Variants in RGS3 observed in about 807,000 individuals in gnomAD.
The protein encoded by RGS3 is regulator of G-protein signalling 3.
Under a neutral mutation model 132.6 loss-of-function variants are expected in RGS3, and 80 were observed. That is an observed-to-expected ratio of 0.60 (90% CI 0.50 to 0.73). The LOEUF (loss-of-function observed/expected upper bound fraction) is 0.73, where lower values mean the gene tolerates loss of function less well. Among genes scored for constraint, RGS3 ranks in the 30% least tolerant of loss-of-function variants. The pLI is 0.00. For missense variants in RGS3, 1,382 were observed against 1,530.8 expected (o/e 0.90, Z 1.62); for synonymous variants, 598 against 620.6 (o/e 0.96, Z 0.54).
At chr9:113,554,929 C>T (rs1324225799) in intron 19 of RGS3, among the ~76,000 whole-genome samples, 1 of 152,082 alleles carries the variant, frequency 6.6e-6, no homozygotes, top group Non-Finnish European at 1.5e-5. Flanking sequence ...TATTCAGCTA[C>T]TTTTATTCTT....
chr9:113,489,267 A>G lies in RGS3; in HGVS notation c.689+3574A>G, dbSNP rs1023375148. Reference sequence around the variant, plus strand: ...CCTCACAACAACATAAGAGGTAGGTATTATTATTTTTGCTCTTTTATAGGT... The same window carrying G: ...CCTCACAACAACATAAGAGGTAGGTGTTATTATTTTTGCTCTTTTATAGGT... On this transcript the variant is annotated intron_variant, in intron 7 of 24. Coordinates refer to ENST00000350696, the Ensembl canonical transcript of RGS3. Among the ~76,000 whole-genome samples the G allele has an allele frequency of 4.2e-4, 64 of 152,176 alleles. 1 individual carries two copies. The highest frequency in any genetic ancestry group is 1.4e-3 in the African/African-American group (59 of 41,458).
At chr9:113,512,228 A>G (rs891775339) in intron 14 of RGS3, among the ~76,000 whole-genome samples, 1 of 152,144 alleles carries the variant, frequency 6.6e-6, no homozygotes, top group African/African-American at 2.4e-5. Context: ...TTCAGTGATG[A>G]TCTTGAGACT....
intron 19 of RGS3, among the ~76,000 whole-genome samples, chr9:113,544,068 A>G (rs547031944): frequency 6.6e-6 from 1 of 152,340 alleles, no homozygotes; most frequent in East Asian, 1.9e-4. Context: ...CTTGAGAGCT[A>G]TAATCACGGG....
chr9:113,481,995 G>C (rs570018176), intron 4 of RGS3, among the ~76,000 whole-genome samples: 2 of 150,468 alleles, frequency 1.3e-5, no homozygotes, highest in Non-Finnish European at 3.0e-5. Context: ...GCAGTGAGCC[G>C]AGATCGTGCC....
At chr9:113,588,763 C>T (rs942608710) in intron 20 of RGS3, among the ~76,000 whole-genome samples, 7 of 152,232 alleles carry the variant, frequency 4.6e-5, no homozygotes, top group African/African-American at 2.4e-5. Flanking sequence ...GTGCTGAGCA[C>T]GTCCCCGTGT....
chr9:113,595,296 G>T (rs570896562), intron 23 of RGS3, among the ~76,000 whole-genome samples: 11 of 152,352 alleles, frequency 7.2e-5, no homozygotes, highest in Admixed American at 7.2e-4. Flanking sequence ...GGCGCCAAAT[G>T]TGCCTGCCAT....
Position 113,506,096 on chromosome 9 carries a change from C to T in RGS3, c.980-292C>T, listed in dbSNP as rs1831117925. Among the ~76,000 whole-genome samples the T allele has an allele frequency of 1.3e-5, 2 of 151,954 alleles. No homozygotes were observed. Among genetic ancestry groups the T allele is most frequent in the Non-Finnish European group, 2.9e-5 (2 of 67,982 alleles). On this transcript the variant is annotated intron_variant, in intron 11 of 24. Coordinates refer to ENST00000350696, the Ensembl canonical transcript of RGS3. This position sits in a 1 kb window ranked among gnomAD's most constrained non-coding sequence, Gnocchi z 4.7. Reference sequence around the variant, plus strand: ...AAGGTTCTCAATGGGGTAGGAGGCCCTGGGGAGGGGTAAGGGCCCGGGTAG... The same window carrying T: ...AAGGTTCTCAATGGGGTAGGAGGCCTTGGGGAGGGGTAAGGGCCCGGGTAG...
intron 14 of RGS3, among the ~76,000 whole-genome samples, chr9:113,513,301 C>CT (rs1554766814): frequency 1.0e-4 from 15 of 147,736 alleles, no homozygotes; most frequent in African/African-American, 2.7e-4. Flanking sequence ...CCCCTCCCCC[C>CT]ACACCGCCGT....
chr9:113,584,944 T>C (rs1302876970), intron 20 of RGS3, among the ~76,000 whole-genome samples: 2 of 152,256 alleles, frequency 1.3e-5, no homozygotes, highest in Admixed American at 1.3e-4. Context: ...TTATCTAACT[T>C]GCTCCAGGTT....
intron 22 of RGS3, 95 bp downstream of exon 20, chr9:113,594,626 C>A: frequency 9.6e-7 from 1 of 1,040,050 alleles, no homozygotes; most frequent in Non-Finnish European, 1.4e-6. Context: ...AGGGGCTTGC[C>A]GGCTTGATCC....
Position 113,463,854 on chromosome 9 carries a change from G to T in RGS3, c.415+1653G>T. 6.2e-7 allele frequency: 1 copy of T among 1,613,228 alleles called. No homozygotes were observed. The highest frequency in any genetic ancestry group is 2.2e-5 in the East Asian group (1 of 44,832). ...CCTCGGGAGCCGGCGTGCCCACCCG[G>T]ACTTGTCCTTCTACCTCACCACCTT... On this transcript the variant is annotated intron_variant, in intron 3 of 24. Coordinates refer to ENST00000350696, the Ensembl canonical transcript of RGS3. This position sits in a 1 kb window ranked among gnomAD's most constrained non-coding sequence, Gnocchi z 4.6.
chr9:113,487,406 C>T lies in RGS3; in HGVS notation c.689+1713C>T, dbSNP rs546850869. ...GATTACAGGCGTGAGCCACCGCGCC[C>T]GGCCTGTCTCATTTAATTCTTACAA... On this transcript the variant is annotated intron_variant, in intron 7 of 24. Transcript: ENST00000350696. Among the ~76,000 whole-genome samples, 44 of 152,308 alleles carry T rather than the reference C, an allele frequency of 2.9e-4. 1 individual carries two copies. The South Asian group carries it at 7.2e-3, about 25-fold the overall frequency.
At chr9:113,539,985 C>T (rs777176271) in intron 19 of RGS3, among the ~76,000 whole-genome samples, 1 of 152,004 alleles carries the variant, frequency 6.6e-6, no homozygotes, top group Non-Finnish European at 1.5e-5. Flanking sequence ...TCTATCTCTC[C>T]AAGCTTTGTG....
Position 113,550,986 on chromosome 9 carries a change from A to T in RGS3, c.2037+14068A>T, listed in dbSNP as rs36052651. On this transcript the variant is annotated intron_variant, in intron 19 of 24. Coordinates refer to ENST00000350696, the Ensembl canonical transcript of RGS3. ...TTTATTGAGATTTAATTCAAATATC[A>T]TACAATTCACCCATTTAAAGTACAC... Among the ~76,000 whole-genome samples the T allele has an allele frequency of 1.1e-4, 16 of 152,374 alleles. 1 individual carries two copies. In the South Asian group the frequency reaches 2.9e-3, roughly 28 times the overall value.
chr9:113,567,664 T>C (rs561884093), intron 19 of RGS3, among the ~76,000 whole-genome samples: 6 of 152,256 alleles, frequency 3.9e-5, no homozygotes, highest in African/African-American at 1.4e-4. Flanking sequence ...GCGGAGACCA[T>C]AGGGAGAATC....
chr9:113,497,353 G>T (rs1299559745), exon 9 of RGS3: 1 of 1,613,826 alleles, frequency 6.2e-7, no homozygotes, highest in Non-Finnish European at 8.5e-7. Flanking sequence ...GGAGCACCTG[G>T]GCCGGACCAA....
In RGS3 at chr9:113,553,331, T is replaced by C. The variant is rs1190496843; in HGVS notation, c.2037+16413T>C. Among the ~76,000 whole-genome samples the C allele has an allele frequency of 4.0e-5, 6 of 148,210 alleles. No individual in the cohort carries two copies. The East Asian group carries it at 1.0e-3, about 25-fold the overall frequency. ...GGTGGCATGTGCCTGGAGTCCCAGC[T>C]ACTTGGGAAGCTGAGGTGGGAGGAT... On this transcript the variant is annotated intron_variant, in intron 19 of 24. Transcript: ENST00000350696.
At chr9:113,494,130 A>T (rs965303991) in intron 7 of RGS3, among the ~76,000 whole-genome samples, 1 of 152,148 alleles carries the variant, frequency 6.6e-6, no homozygotes, top group African/African-American at 2.4e-5. Context: ...GAACAGAAAG[A>T]TGACATTAAA....
At chr9:113,456,626 A>G (rs1829366728), upstream of RGS3, among the ~76,000 whole-genome samples, 1 of 150,760 alleles carries the variant, frequency 6.6e-6, no homozygotes, top group Non-Finnish European at 1.5e-5. Flanking sequence ...ATGTCATGCA[A>G]ACGCCTCCAC....
Sources: gnomAD v4.1 joint callset for allele counts (sites outside exome capture counted in the v4.1 genomes callset) on GRCh38, gnomAD v4.1.1 for gene constraint, Gnocchi (gnomAD v3.1) non-coding constraint, MANE v1.5 for transcripts, NCBI Gene and HGNC (gene_info 2026-07-23, HGNC 2026-07-21) for gene names.